MDM2: variants seen among roughly 807,000 people sequenced by gnomAD.
The protein encoded by MDM2 is E3 ubiquitin-protein ligase Mdm2.
MDM2 carries 11 observed loss-of-function variants against 64.3 expected under a neutral mutation model. The ratio of observed to expected loss-of-function variants is 0.17; its 90% CI spans 0.11 to 0.28. The LOEUF is 0.28. MDM2 is among the 10% of genes least tolerant of loss of function. The probability of loss-of-function intolerance (pLI) is 1.00; values close to 1 mark genes in which losing one functional copy is unlikely to be tolerated. For synonymous variants in MDM2, 194 were observed against 192.9 expected (o/e 1.01, Z -0.05); for missense variants, 388 against 577.1 (o/e 0.67, Z 3.36).
At chr12:68,814,530 G>A (rs897162854) in intron 3 of MDM2, 1 of 329,148 alleles carries the variant, frequency 3.0e-6, no homozygotes, top group African/African-American at 2.2e-5. Context: ...ATTCTAGTTA[G>A]AAGTTTGTGA....
chr12:68,815,424 T>TTTC (rs1388381592), intron 3 of MDM2, among the ~76,000 whole-genome samples: 16 of 145,772 alleles, frequency 1.1e-4, no homozygotes, highest in African/African-American at 4.2e-4. Context: ...CTGGGGCCAG[T>TTTC]TTCTTCTTCT....
intron 8 of MDM2, among the ~76,000 whole-genome samples, chr12:68,832,031 T>C (rs536442303): frequency 6.6e-6 from 1 of 152,270 alleles, no homozygotes; most frequent in South Asian, 2.1e-4. Context: ...GATCACGCCA[T>C]TGCACTGCAG....
chr12:68,826,856 C>T (rs3730590), intron 7 of MDM2, among the ~76,000 whole-genome samples: 44,631 of 151,740 alleles, frequency 0.29, 7,925 homozygotes, highest in Non-Finnish European at 0.41. Context: ...TAAGAACTCA[C>T]GTGCAGAACT....
Position 68,843,490 on chromosome 12 carries a change from C to CA in MDM2, c.*3644dup, listed in dbSNP as rs1214296900. 4.5e-6 allele frequency: 1 copy of CA among 223,600 alleles called. No homozygotes were observed. Among genetic ancestry groups the CA allele is most frequent in the African/African-American group, 2.4e-5 (1 of 41,938 alleles). The allele number at this position is 223,600 out of a possible 1,614,324, so 13.9% of individuals were successfully genotyped here. On this transcript the variant is annotated 3_prime_UTR_variant, in exon 11 of 11. Transcript: ENST00000258149. ...TAAAATTTCTAATATAAGTATCTCT[C>CA]AAACTGTGGATTAACTTCTTGATTT...
Position 68,808,273 on chromosome 12 carries a change from G to A in MDM2, c.-205G>A. The A allele has an allele frequency of 1.6e-6, 1 of 620,596 alleles. No individual in the cohort carries two copies. The highest frequency in any genetic ancestry group is 2.8e-6 in the Non-Finnish European group (1 of 356,128). 38.4% of individuals were successfully genotyped at this position (620,596 alleles called of 1,614,324 possible). A position where few individuals can be genotyped will look rare whatever the true frequency, so the allele number is the denominator to read the frequency against. On this transcript the variant is annotated 5_prime_UTR_variant, in exon 1 of 11. Transcript: ENST00000258149. ...TGGAGCAAGAAGCCGAGCCCGAGGG[G>A]CGGCCGCGACCCCTCTGACCGAGAT...
Position 68,816,362 on chromosome 12 carries a change from C to CTTT in MDM2, c.175-424_175-422dup, listed in dbSNP as rs62874563. Among the ~76,000 whole-genome samples the CTTT allele has an allele frequency of 1.4e-3, 85 of 61,084 alleles. 11 individuals carry two copies. Among genetic ancestry groups the CTTT allele is most frequent in the African/African-American group, 4.3e-3 (64 of 14,906 alleles). 40.1% of individuals were successfully genotyped at this position (61,084 alleles called of 152,430 possible). On this transcript the variant is annotated intron_variant, in intron 3 of 10. Transcript: ENST00000258149. ...TTAAATGGAAAAGGCTTAAAAGTAG[C>CTTT]TTTTTTTTTTTTTTTTTTTTTTTTT... is the stretch of plus-strand genomic sequence containing the variant.
In MDM2 at chr12:68,828,740, A is replaced by G. The variant is rs373759829; in HGVS notation, c.524-31A>G. 5.0e-6 allele frequency: 8 copies of G among 1,607,476 alleles called. No homozygotes were observed. The Admixed American group carries it at 6.7e-5, about 14-fold the overall frequency. On this transcript the variant is annotated intron_variant, in intron 7 of 10. Transcript: ENST00000258149. Reference sequence around the variant, plus strand: ...AGCTCAATTTTCTAAATCACAGTACAGCAATTTATTTTTTTTCCTTACATA... The same window carrying G: ...AGCTCAATTTTCTAAATCACAGTACGGCAATTTATTTTTTTTCCTTACATA...
intron 5 of MDM2, among the ~76,000 whole-genome samples, chr12:68,821,492 G>T (rs1881846607): frequency 1.3e-5 from 2 of 152,184 alleles, no homozygotes; most frequent in African/African-American, 4.8e-5. Context: ...GGAGGCTAAG[G>T]CAGGAGGATC....
In MDM2 at chr12:68,839,603, T is replaced by C. The variant is rs368366429; in HGVS notation, c.1248T>C (p.Asp416=). The C allele has an allele frequency of 3.7e-5, 60 of 1,613,352 alleles. No homozygotes were observed. Among genetic ancestry groups the C allele is most frequent in the Non-Finnish European group, 4.7e-5 (56 of 1,179,980 alleles). The change falls in exon 11 of 11, where the codon GAT becomes GAC. Residue 416 remains aspartate, a synonymous_variant. Coordinates refer to ENST00000258149, the MANE Select transcript of MDM2 (RefSeq NM_002392.6). The part of the protein sequence containing the change: ...SSSIIYSSQE[D]VKEFEREETQ... Reference sequence around the variant, plus strand: ...GCATTATTTATAGCAGCCAAGAAGATGTGAAAGAGTTTGAAAGGGAAGAAA... The same window carrying C: ...GCATTATTTATAGCAGCCAAGAAGACGTGAAAGAGTTTGAAAGGGAAGAAA...
In MDM2 at chr12:68,824,359, T is replaced by G. The variant is rs754571428; in HGVS notation, c.359-4T>G. 3 of 1,611,700 alleles carry G rather than the reference T, an allele frequency of 1.9e-6. No homozygotes were observed. Among genetic ancestry groups the G allele is most frequent in the Admixed American group, 3.3e-5 (2 of 59,768 alleles). ...AGTTTCTGATCCTTTTTCTTTTCTC[T>G]CAGAATCATCGGACTCAGGTACATC... On this transcript the variant is annotated splice_region_variant and splice_polypyrimidine_tract_variant and intron_variant, in intron 5 of 10. Coordinates refer to ENST00000258149, the MANE Select transcript of MDM2 (RefSeq NM_002392.6).
rs1369052454 is a variant in MDM2 at position 68,844,130 on chromosome 12, A to C, written c.*4281A>C. The C allele has an allele frequency of 4.8e-6, 1 of 207,996 alleles. No individual in the cohort carries two copies. Among genetic ancestry groups the C allele is most frequent in the Non-Finnish European group, 9.8e-6 (1 of 102,304 alleles). 12.9% of individuals were successfully genotyped at this position (207,996 alleles called of 1,614,324 possible). A position where few individuals can be genotyped will look rare whatever the true frequency, so the allele number is the denominator to read the frequency against. ...GTTTATGGGTTATTAAAATTGTCTG[A>C]TTTCTTAGGTTCTTTATAGTACACG... On this transcript the variant is annotated 3_prime_UTR_variant, in exon 11 of 11. Coordinates refer to ENST00000258149, the MANE Select transcript of MDM2 (RefSeq NM_002392.6).
intron 2 of MDM2, among the ~76,000 whole-genome samples, chr12:68,812,337 A>T (rs961677179): frequency 6.6e-6 from 1 of 152,156 alleles, no homozygotes; most frequent in East Asian, 1.9e-4. Context: ...GGCATCCCCA[A>T]TGGGGGTGCT....
At chr12:68,809,373 T>G in intron 2 of MDM2, 81 bp downstream of exon 2, 10 of 1,202,856 alleles carry the variant, frequency 8.3e-6, no homozygotes, top group Non-Finnish European at 1.1e-5. Flanking sequence ...ACCTCAATTG[T>G]AGCATGGCTC....
chr12:68,828,936 T>G lies in MDM2; in HGVS notation c.684+5T>G. On this transcript the variant is annotated splice_donor_5th_base_variant and intron_variant, in intron 8 of 10. Transcript: ENST00000258149. ...ACAGGGACGCCATCGAATCCGGTAA[T>G]GTTCTCATTTTAAGTAAGGCAAGAC... The G allele has an allele frequency of 6.2e-7, 1 of 1,613,576 alleles. No individual in the cohort carries two copies. The highest frequency in any genetic ancestry group is 8.5e-7 in the Non-Finnish European group (1 of 1,179,720).
At chr12:68,823,703 C>T (rs1336981638) in intron 5 of MDM2, among the ~76,000 whole-genome samples, 2 of 152,136 alleles carry the variant, frequency 1.3e-5, no homozygotes, top group East Asian at 3.9e-4. Context: ...TTTAGGGGTT[C>T]ATTATTGCTC....
Position 68,843,116 on chromosome 12 carries a change from C to T in MDM2, c.*3267C>T, listed in dbSNP as rs1883941876. 4.5e-6 allele frequency: 1 copy of T among 220,254 alleles called. No individual in the cohort carries two copies. Among genetic ancestry groups the T allele is most frequent in the South Asian group, 1.9e-4 (1 of 5,372 alleles). The allele number at this position is 220,254 out of a possible 1,614,324, so 13.6% of individuals were successfully genotyped here. On this transcript the variant is annotated 3_prime_UTR_variant, in exon 11 of 11. Transcript: ENST00000258149. ...GGGTTTTTTTTTTTTTAAAGCCACA[C>T]AATAATTTTGGAAAACAATGTATGG... is the stretch of plus-strand genomic sequence containing the variant.
intron 3 of MDM2, chr12:68,814,738 A>C (rs1056867203): frequency 1.1e-5 from 2 of 185,220 alleles, no homozygotes; most frequent in Non-Finnish European, 2.3e-5. Context: ...CCAGCATTTT[A>C]ATGCATTCCC....
chr12:68,847,187 GTGTGTACATTATATA>G (rs1884361989), downstream of MDM2: 5 of 60,910 alleles, frequency 8.2e-5, 1 homozygote, highest in African/African-American at 5.7e-4. Flanking sequence ...GTATGTATGT[GTGTGTACATTATATA>G]TATATATATA....
chr12:68,832,618 C>T (rs1373143793), intron 8 of MDM2, among the ~76,000 whole-genome samples: 1 of 152,012 alleles, frequency 6.6e-6, no homozygotes, highest in Non-Finnish European at 1.5e-5. Flanking sequence ...TTCAAGCAAT[C>T]CTTCCTCCTC....
Sources: allele counts gnomAD v4.1 joint callset (sites outside exome capture counted in the v4.1 genomes callset), GRCh38; gene constraint gnomAD v4.1.1; transcripts MANE v1.5; gene names NCBI Gene and HGNC (gene_info 2026-07-23, HGNC 2026-07-21).